Variants in PRKG1 observed in about 807,000 individuals in gnomAD.
The protein encoded by PRKG1 is cGMP-dependent protein kinase 1.
PRKG1 carries 35 observed loss-of-function variants against 88.1 expected under a neutral mutation model. The ratio of observed to expected loss-of-function variants is 0.40; its 90% CI spans 0.30 to 0.53. PRKG1 has a LOEUF of 0.53. Ranked by LOEUF, PRKG1 falls within the 20% of genes least tolerant of loss-of-function variation. The pLI, the probability that PRKG1 is intolerant of heterozygous loss-of-function variation, is 0.59. For missense variants in PRKG1, 540 were observed against 839.8 expected (o/e 0.64, Z 4.41); for synonymous variants, 303 against 292.5 (o/e 1.04, Z -0.37).
chr10:51,730,718 G>A (rs1281065221), intron 3 of PRKG1, among the ~76,000 whole-genome samples: 2 of 152,200 alleles, frequency 1.3e-5, no homozygotes, highest in African/African-American at 2.4e-5. Context: ...CAGTTTGGAC[G>A]AAGATAAAGT....
chr10:51,465,189 G>A (rs1387663501), intron 2 of PRKG1, among the ~76,000 whole-genome samples: 1 of 152,052 alleles, frequency 6.6e-6, no homozygotes, highest in Non-Finnish European at 1.5e-5. Flanking sequence ...TAGTTCTGAT[G>A]TAATGGGTCC....
At chr10:51,797,845 T>C (rs1004364779) in intron 3 of PRKG1, among the ~76,000 whole-genome samples, 1 of 151,866 alleles carries the variant, frequency 6.6e-6, no homozygotes, top group Non-Finnish European at 1.5e-5. Flanking sequence ...TTCTACTTTT[T>C]ATCTCTGTGA....
intron 1 of PRKG1, among the ~76,000 whole-genome samples, chr10:51,017,764 C>T (rs1243219480): frequency 6.6e-6 from 1 of 151,466 alleles, no homozygotes; most frequent in Admixed American, 6.6e-5. Flanking sequence ...TTGCAAAAGC[C>T]CCAATTGCTT....
intron 5 of PRKG1, among the ~76,000 whole-genome samples, chr10:51,978,118 C>A (rs1235270411): frequency 1.3e-5 from 2 of 151,670 alleles, no homozygotes; most frequent in African/African-American, 4.8e-5. Flanking sequence ...ACATTTAAGT[C>A]TTTAATCTAC....
chr10:52,056,688 T>G (rs563231996), intron 6 of PRKG1, among the ~76,000 whole-genome samples: 2 of 152,286 alleles, frequency 1.3e-5, no homozygotes, highest in African/African-American at 4.8e-5. Flanking sequence ...TCTACTAACT[T>G]ACTTTTTTAG....
intron 5 of PRKG1, among the ~76,000 whole-genome samples, chr10:51,946,791 G>A (rs1413607384): frequency 2.0e-5 from 3 of 152,136 alleles, no homozygotes; most frequent in Non-Finnish European, 2.9e-5. Context: ...CATGAACCGC[G>A]AATGCTGCTG....
intron 2 of PRKG1, among the ~76,000 whole-genome samples, chr10:51,285,421 C>T (rs1840416071): frequency 6.6e-6 from 1 of 152,084 alleles, no homozygotes; most frequent in Non-Finnish European, 1.5e-5. Flanking sequence ...TGGCTCAGCC[C>T]TCATTAATAC....
chr10:51,925,978 G>C (rs963171469), intron 5 of PRKG1, among the ~76,000 whole-genome samples: 1 of 152,168 alleles, frequency 6.6e-6, no homozygotes, highest in Admixed American at 6.5e-5. Flanking sequence ...AAAGCACTTA[G>C]CACAATGCAT....
intron 5 of PRKG1, among the ~76,000 whole-genome samples, chr10:51,969,297 A>G (rs528194853): frequency 6.6e-6 from 1 of 152,154 alleles, no homozygotes; most frequent in East Asian, 1.9e-4. Flanking sequence ...AATCTTAATC[A>G]TCATCATGCC....
At chr10:51,662,911 T>C (rs1398202430) in intron 3 of PRKG1, among the ~76,000 whole-genome samples, 1 of 151,980 alleles carries the variant, frequency 6.6e-6, no homozygotes, top group Non-Finnish European at 1.5e-5. Context: ...GGGTGGAATG[T>C]TAGGAGTAGC....
chr10:51,474,439 T>A (rs1840137724), intron 3 of PRKG1, among the ~76,000 whole-genome samples: 2 of 152,020 alleles, frequency 1.3e-5, no homozygotes, highest in African/African-American at 4.8e-5. Flanking sequence ...TAAGTACATC[T>A]GTTGTAAAAA....
At chr10:51,684,794 G>C (rs146697364) in intron 3 of PRKG1, among the ~76,000 whole-genome samples, 1 of 152,214 alleles carries the variant, frequency 6.6e-6, no homozygotes, top group East Asian at 1.9e-4. Context: ...TTGAGCCTGG[G>C]AGGCTTAGGA....
intron 3 of PRKG1, among the ~76,000 whole-genome samples, chr10:51,679,327 ATTGGCTT>A (rs768639110): frequency 3.3e-5 from 5 of 150,294 alleles, no homozygotes; most frequent in Non-Finnish European, 7.4e-5. Flanking sequence ...TCTTTCTTTT[ATTGGCTT>A]TTGACTGAGT....
chr10:51,530,982 C>T (rs1379986200), intron 3 of PRKG1, among the ~76,000 whole-genome samples: 6 of 152,084 alleles, frequency 3.9e-5, no homozygotes, highest in South Asian at 2.1e-4. Context: ...CAGATCTCTC[C>T]GTTGAGTCAG....
intron 4 of PRKG1, among the ~76,000 whole-genome samples, chr10:51,869,083 A>T (rs1245963507): frequency 6.6e-6 from 1 of 152,184 alleles, no homozygotes; most frequent in African/African-American, 2.4e-5. Flanking sequence ...TTCAAACTAA[A>T]TCTTGCAATA....
chr10:51,425,696 A>G (rs1838557571), intron 2 of PRKG1, among the ~76,000 whole-genome samples: 1 of 152,106 alleles, frequency 6.6e-6, no homozygotes, highest in Admixed American at 6.6e-5. Flanking sequence ...TGCCAAGCCC[A>G]GCGTGGTTCA....
chr10:51,120,019 C>T (rs934611011), intron 1 of PRKG1, among the ~76,000 whole-genome samples: 9 of 152,026 alleles, frequency 5.9e-5, no homozygotes, highest in Non-Finnish European at 8.8e-5. Flanking sequence ...GCCAATAAGG[C>T]CTTACTTTCA....
chr10:51,003,844 T>G (rs1379907745), intron 1 of PRKG1, among the ~76,000 whole-genome samples: 1 of 152,172 alleles, frequency 6.6e-6, no homozygotes, highest in African/African-American at 2.4e-5. Flanking sequence ...AGTAACCTGC[T>G]CTTTTTGCTT....
At chr10:51,309,679 G>T (rs1351767648) in intron 2 of PRKG1, among the ~76,000 whole-genome samples, 1 of 152,122 alleles carries the variant, frequency 6.6e-6, no homozygotes, top group Non-Finnish European at 1.5e-5. Context: ...ATGGAAAACA[G>T]TTTGGAGATT....
Sources: allele counts gnomAD v4.1 joint callset (sites outside exome capture counted in the v4.1 genomes callset), GRCh38; gene constraint gnomAD v4.1.1; transcripts MANE v1.5; gene names NCBI Gene and HGNC (gene_info 2026-07-23, HGNC 2026-07-21).